Variants in GULP1 observed in about 807,000 individuals in gnomAD.
GULP1 encodes PTB domain-containing engulfment adapter protein 1.
GULP1 carries 19 observed loss-of-function variants against 40.9 expected under a neutral mutation model. The ratio of observed to expected loss-of-function variants is 0.46; its 90% CI spans 0.32 to 0.68. The LOEUF is 0.68. Among genes scored for constraint, GULP1 ranks in the 30% least tolerant of loss-of-function variants. The probability of loss-of-function intolerance (pLI) is 0.03; values close to 1 mark genes in which losing one functional copy is unlikely to be tolerated. For missense variants in GULP1, 312 were observed against 362.2 expected, an observed-to-expected ratio of 0.86 and a Z score of 1.12; for synonymous variants, 119 against 117.6, an observed-to-expected ratio of 1.01 and a Z score of -0.08.
intron 1 of GULP1, among the ~76,000 whole-genome samples, chr2:188,365,025 G>A (rs1291990644): frequency 6.6e-6 from 1 of 151,958 alleles, no homozygotes; most frequent in Non-Finnish European, 1.5e-5. Flanking sequence ...ACTTTAATCA[G>A]TGATCTAAGT....
At chr2:188,479,966 G>A (rs1337399902) in intron 3 of GULP1, among the ~76,000 whole-genome samples, 2 of 151,900 alleles carry the variant, frequency 1.3e-5, no homozygotes, top group Non-Finnish European at 2.9e-5. Context: ...TATTTTTCAG[G>A]TCTAATGATT....
intron 7 of GULP1, among the ~76,000 whole-genome samples, chr2:188,557,930 G>A (rs937578914): frequency 2.0e-5 from 3 of 152,160 alleles, no homozygotes; most frequent in Non-Finnish European, 2.9e-5. Context: ...GAGTAGTGTT[G>A]TGAAGCTGTT....
At chr2:188,378,301 A>T (rs2048561030) in intron 1 of GULP1, among the ~76,000 whole-genome samples, 1 of 151,744 alleles carries the variant, frequency 6.6e-6, no homozygotes, top group Non-Finnish European at 1.5e-5. Flanking sequence ...AAAAGAAAAA[A>T]TCTTAAATGT....
At chr2:188,572,670 T>A (rs1177244652) in intron 9 of GULP1, among the ~76,000 whole-genome samples, 3 of 152,222 alleles carry the variant, frequency 2.0e-5, no homozygotes, top group Non-Finnish European at 4.4e-5. Flanking sequence ...ATCATATGAT[T>A]TTTTAAATTG....
intron 1 of GULP1, among the ~76,000 whole-genome samples, chr2:188,327,387 A>T (rs1313052580): frequency 6.6e-6 from 1 of 152,212 alleles, no homozygotes; most frequent in Admixed American, 6.5e-5. Flanking sequence ...TTTCTTTGTG[A>T]CATATGGGAA....
chr2:188,304,582 T>G (rs2036720427), intron 1 of GULP1, among the ~76,000 whole-genome samples: 1 of 152,160 alleles, frequency 6.6e-6, no homozygotes, highest in African/African-American at 2.4e-5. Flanking sequence ...GAATGCCAAC[T>G]GGACAGTTAG....
chr2:188,488,637 G>A (rs2062068594), intron 4 of GULP1, among the ~76,000 whole-genome samples: 2 of 151,958 alleles, frequency 1.3e-5, no homozygotes, highest in African/African-American at 4.8e-5. Flanking sequence ...TGAAGTACTT[G>A]CAGTGACCAC....
intron 2 of GULP1, among the ~76,000 whole-genome samples, chr2:188,446,238 A>T (rs2058372970): frequency 6.6e-6 from 1 of 152,204 alleles, no homozygotes; most frequent in African/African-American, 2.4e-5. Context: ...ACTGTGAAAC[A>T]ACAACCTAAA....
At chr2:188,513,408 A>T (rs1216280754) in intron 4 of GULP1, among the ~76,000 whole-genome samples, 1 of 152,174 alleles carries the variant, frequency 6.6e-6, no homozygotes, top group Non-Finnish European at 1.5e-5. Context: ...TGTAGATACA[A>T]TCACTTATAC....
chr2:188,333,218 C>G (rs2152071302), intron 1 of GULP1, among the ~76,000 whole-genome samples: 1 of 150,622 alleles, frequency 6.6e-6, no homozygotes, highest in East Asian at 2.0e-4. Flanking sequence ...TGCACTCCAG[C>G]ATGGGTGACA....
At chr2:188,568,555 C>T (rs1698326487) in intron 7 of GULP1, among the ~76,000 whole-genome samples, 1 of 152,168 alleles carries the variant, frequency 6.6e-6, no homozygotes, top group Non-Finnish European at 1.5e-5. Flanking sequence ...TGATCACTGG[C>T]ACTGTGTTTT....
At chr2:188,490,137 G>A (rs536528548) in intron 4 of GULP1, among the ~76,000 whole-genome samples, 2 of 152,158 alleles carry the variant, frequency 1.3e-5, no homozygotes, top group Admixed American at 1.3e-4. Context: ...CAGTATATGT[G>A]TTATGGATTC....
rs922296107 is a variant in GULP1, at chr2:188,594,934, G to A, written c.*923G>A. On this transcript the variant is annotated 3_prime_UTR_variant, in exon 12 of 12. Coordinates refer to ENST00000409830, the MANE Select transcript of GULP1 (RefSeq NM_016315.4). ...TTTGATGAAGATATTTTTCACCAAA[G>A]TTTATTTTGTGATGCCCTCTTGGTT... 6.6e-6 allele frequency: 1 copy of A among 150,980 alleles called. No individual in the cohort carries two copies. Among genetic ancestry groups the A allele is most frequent in the Admixed American group, 6.6e-5 (1 of 15,082 alleles). 9.4% of individuals were successfully genotyped at this position (150,980 alleles called of 1,614,324 possible).
At chr2:188,366,715 T>C (rs1343992335) in intron 1 of GULP1, among the ~76,000 whole-genome samples, 4 of 149,716 alleles carry the variant, frequency 2.7e-5, no homozygotes, top group Admixed American at 1.4e-4. Flanking sequence ...TGCCTCAGCC[T>C]CCTGAGTAGC....
chr2:188,439,992 A>G (rs1442460842), intron 2 of GULP1, among the ~76,000 whole-genome samples: 4 of 152,248 alleles, frequency 2.6e-5, no homozygotes, highest in African/African-American at 7.2e-5. Flanking sequence ...CCACCAAAAC[A>G]TCTAAATAAT....
chr2:188,391,891 C>T (rs1419506508), intron 2 of GULP1, among the ~76,000 whole-genome samples: 1 of 151,538 alleles, frequency 6.6e-6, no homozygotes, highest in African/African-American at 2.4e-5. Flanking sequence ...TTTTAATTCT[C>T]TTTAGGTGAT....
chr2:188,568,676 T>C (rs1282129645), intron 7 of GULP1, among the ~76,000 whole-genome samples: 1 of 152,192 alleles, frequency 6.6e-6, no homozygotes, highest in Non-Finnish European at 1.5e-5. Flanking sequence ...AGATTGGAAT[T>C]GCTCACTTCC....
At chr2:188,427,023 A>G (rs1436177840) in intron 2 of GULP1, among the ~76,000 whole-genome samples, 1 of 152,186 alleles carries the variant, frequency 6.6e-6, no homozygotes, top group Non-Finnish European at 1.5e-5. Flanking sequence ...GTTATAGGTT[A>G]GGAAAGAGCT....
At chr2:188,431,216 AG>A (rs2056834524) in intron 2 of GULP1, among the ~76,000 whole-genome samples, 1 of 152,184 alleles carries the variant, frequency 6.6e-6, no homozygotes, top group Admixed American at 6.5e-5. Flanking sequence ...GTTATACTGG[AG>A]GAAAACCGTG....
Sources: allele counts gnomAD v4.1 joint callset (sites outside exome capture counted in the v4.1 genomes callset), GRCh38; gene constraint gnomAD v4.1.1; transcripts MANE v1.5; gene names NCBI Gene and HGNC (gene_info 2026-07-23, HGNC 2026-07-21).